The following EYS variants were observed in gnomAD, a reference collection of about 807,000 sequenced individuals.
EYS encodes EGF-like photoreceptor maintenance factor.
In EYS, 250 loss-of-function variants were observed where a neutral mutation model predicts 282.1. That is an observed-to-expected ratio of 0.89 (90% confidence interval 0.80 to 0.98). The LOEUF (loss-of-function observed/expected upper bound fraction) is 0.98, where lower values mean the gene tolerates loss of function less well. Among genes scored for constraint, EYS ranks in the 50% least tolerant of loss-of-function variants. The pLI is 0.00. For missense variants in EYS, 4,016 were observed against 3,709.0 expected, an observed-to-expected ratio of 1.08 and a Z score of -2.15; for synonymous variants, 1,355 against 1,282.9, an observed-to-expected ratio of 1.06 and a Z score of -1.20.
intron 22 of EYS, among the ~76,000 whole-genome samples, chr6:64,769,166 C>T (rs896794349): frequency 3.3e-5 from 5 of 152,040 alleles, no homozygotes; most frequent in African/African-American, 7.2e-5. Context: ...GAAGGTGCGC[C>T]TCACTCTACT....
intron 29 of EYS, among the ~76,000 whole-genome samples, chr6:64,308,823 A>AAT (rs1260477847): frequency 3.3e-5 from 5 of 152,100 alleles, no homozygotes; most frequent in African/African-American, 1.2e-4. Flanking sequence ...AAAATAAAAC[A>AAT]ATATTTCACA....
intron 2 of EYS, among the ~76,000 whole-genome samples, chr6:65,606,926 A>C (rs1013821701): frequency 2.6e-5 from 4 of 151,748 alleles, no homozygotes; most frequent in African/African-American, 9.7e-5. Context: ...ATTTTAATGA[A>C]TGAAGAAATA....
intron 19 of EYS, among the ~76,000 whole-genome samples, chr6:64,851,344 A>T (rs1239250622): frequency 6.6e-6 from 1 of 152,110 alleles, no homozygotes; most frequent in Non-Finnish European, 1.5e-5. Context: ...AAGGACATCC[A>T]TGCCTATCCC....
chr6:64,407,684 T>C (rs944875585), intron 28 of EYS, among the ~76,000 whole-genome samples: 3 of 152,162 alleles, frequency 2.0e-5, no homozygotes, highest in Non-Finnish European at 4.4e-5. Flanking sequence ...TATAACTATA[T>C]GGTATTAGCA....
In EYS at chr6:64,707,777, T is replaced by G. The variant is rs555106738; in HGVS notation, c.3444-81532A>C. Among the ~76,000 whole-genome samples the G allele has an allele frequency of 7.2e-5, 11 of 151,768 alleles. No homozygotes were observed. The East Asian group carries it at 1.9e-3, about 27-fold the overall frequency. ...TATTTATGTAACCAAATCCCACTGG[T>G]TACACAAAACCTATTGAAATCAAAA... On this transcript the variant is annotated intron_variant, in intron 22 of 42. Coordinates refer to ENST00000503581, the MANE Select transcript of EYS (RefSeq NM_001142800.2).
At chr6:65,703,383 T>A (rs991377181) in intron 1 of EYS, among the ~76,000 whole-genome samples, 2 of 152,152 alleles carry the variant, frequency 1.3e-5, no homozygotes, top group African/African-American at 4.8e-5. Context: ...TCTTTTTTTA[T>A]AAATTTAACT....
At chr6:65,680,353 T>C (rs963241322) in intron 1 of EYS, among the ~76,000 whole-genome samples, 4 of 151,954 alleles carry the variant, frequency 2.6e-5, no homozygotes, top group African/African-American at 9.7e-5. Flanking sequence ...ATCCTGATAA[T>C]CATACTATTT....
intron 1 of EYS, among the ~76,000 whole-genome samples, chr6:65,652,788 A>G (rs1168292683): frequency 6.6e-6 from 1 of 152,026 alleles, no homozygotes; most frequent in Non-Finnish European, 1.5e-5. Context: ...CAGTTATCTA[A>G]TATCAACATG....
intron 33 of EYS, among the ~76,000 whole-genome samples, chr6:64,035,220 T>A (rs930640282): frequency 2.0e-5 from 3 of 152,204 alleles, no homozygotes; most frequent in Non-Finnish European, 4.4e-5. Context: ...ATTAAGTGAA[T>A]TCAATTTTTC....
intron 22 of EYS, among the ~76,000 whole-genome samples, chr6:64,632,893 A>G (rs1239673752): frequency 6.6e-6 from 1 of 152,130 alleles, no homozygotes; most frequent in African/African-American, 2.4e-5. Context: ...AAATACAGGT[A>G]TTTTAAACTC....
chr6:65,243,652 C>T (rs1443559178), intron 12 of EYS, among the ~76,000 whole-genome samples: 5 of 151,888 alleles, frequency 3.3e-5, no homozygotes, highest in Non-Finnish European at 5.9e-5. Context: ...AATTTATGTT[C>T]CTCTGGTGAG....
intron 26 of EYS, among the ~76,000 whole-genome samples, chr6:64,538,686 C>T (rs751838661): frequency 2.0e-4 from 30 of 152,070 alleles, no homozygotes; most frequent in Non-Finnish European, 4.0e-4. Flanking sequence ...CTTATTGTGT[C>T]CAAGGACTGC....
chr6:65,373,722 T>C (rs1319657522), intron 8 of EYS, among the ~76,000 whole-genome samples: 2 of 152,174 alleles, frequency 1.3e-5, no homozygotes, highest in Non-Finnish European at 2.9e-5. Context: ...GGATACACTA[T>C]ACTTTTTAAT....
At chr6:65,133,860 C>T (rs1356007132) in intron 12 of EYS, among the ~76,000 whole-genome samples, 1 of 151,776 alleles carries the variant, frequency 6.6e-6, no homozygotes, top group Non-Finnish European at 1.5e-5. Flanking sequence ...AAAATATTTG[C>T]AAACTGCAAC....
At chr6:65,382,123 A>G (rs1419596572) in intron 8 of EYS, among the ~76,000 whole-genome samples, 1 of 151,368 alleles carries the variant, frequency 6.6e-6, no homozygotes, top group Admixed American at 6.6e-5. Context: ...AAGTTTTTAA[A>G]CTTAATTAAG....
chr6:64,412,986 T>G (rs2150445112), intron 28 of EYS, among the ~76,000 whole-genome samples: 1 of 152,228 alleles, frequency 6.6e-6, no homozygotes, highest in African/African-American at 2.4e-5. Flanking sequence ...AGGAGGATAC[T>G]AGTAGAAGAG....
intron 22 of EYS, among the ~76,000 whole-genome samples, chr6:64,693,734 C>T (rs976021905): frequency 1.3e-5 from 2 of 151,596 alleles, no homozygotes; most frequent in Non-Finnish European, 1.5e-5. Flanking sequence ...TCACAAATAG[C>T]GTAGCCATTA....
chr6:65,035,398 G>C (rs376451443), intron 13 of EYS, among the ~76,000 whole-genome samples: 2 of 150,960 alleles, frequency 1.3e-5, no homozygotes, highest in African/African-American at 4.8e-5. Flanking sequence ...TAGGAAGAGA[G>C]GAAGTCACCA....
rs139791788 is a variant in EYS at position 64,155,683 on chromosome 6, G to C, written c.6425-73681C>G. Among the ~76,000 whole-genome samples, 894 of 152,240 alleles carry C rather than the reference G, an allele frequency of 5.9e-3. 3 individuals are homozygous for C. Among genetic ancestry groups the C allele is most frequent in the African/African-American group, 0.021 (856 of 41,542 alleles). On this transcript the variant is annotated intron_variant, in intron 31 of 42. Transcript: ENST00000503581. ...GAAAAAGGAAGGGTTGAAATGTCAG[G>C]TTCTGGTTTGGGGTAAGGCGAACGA...
Sources: allele counts gnomAD v4.1 joint callset (sites outside exome capture counted in the v4.1 genomes callset), GRCh38; gene constraint gnomAD v4.1.1; transcripts MANE v1.5; gene names NCBI Gene and HGNC (gene_info 2026-07-23, HGNC 2026-07-21).